SUGCT: variants seen among roughly 807,000 people sequenced by gnomAD.
SUGCT encodes succinyl-CoA:glutarate-CoA transferase, also known as succinyl-CoA:glutarate CoA-transferase.
A neutral mutation model predicts 55.0 loss-of-function variants in SUGCT; 41 were observed. That is an observed-to-expected ratio of 0.74 (90% CI 0.58 to 0.97). SUGCT has a LOEUF of 0.97. SUGCT is among the 50% of genes least tolerant of loss of function. The pLI is 0.00. For synonymous variants in SUGCT, 187 were observed against 200.4 expected, an observed-to-expected ratio of 0.93 and a Z score of 0.56; for missense variants, 568 against 547.8, an observed-to-expected ratio of 1.04 and a Z score of -0.37.
chr7:40,407,868 C>T (rs1239434889), intron 9 of SUGCT, among the ~76,000 whole-genome samples: 1 of 152,116 alleles, frequency 6.6e-6, no homozygotes, highest in Non-Finnish European at 1.5e-5. Flanking sequence ...CCTAGTGATG[C>T]TGGAATAGTT....
At chr7:40,708,252 C>T (rs1161311373) in intron 12 of SUGCT, among the ~76,000 whole-genome samples, 1 of 152,166 alleles carries the variant, frequency 6.6e-6, no homozygotes, top group Non-Finnish European at 1.5e-5. Context: ...GTGTCCTATA[C>T]TTACCTCAGT....
intron 8 of SUGCT, among the ~76,000 whole-genome samples, chr7:40,278,868 CCAGGTTGGAATG>C (rs1365192504): frequency 6.7e-6 from 1 of 149,458 alleles, no homozygotes; most frequent in Non-Finnish European, 1.5e-5. Context: ...GTGCTTTTGT[CCAGGTTGGAATG>C]CAGTGGTGCA....
At chr7:40,852,784 C>T (rs1488818425) in intron 13 of SUGCT, among the ~76,000 whole-genome samples, 1 of 152,002 alleles carries the variant, frequency 6.6e-6, no homozygotes, top group African/African-American at 2.4e-5. Context: ...CAGCCCCTCC[C>T]CACTGTGATT....
chr7:40,378,478 C>CT (rs1188213582), intron 9 of SUGCT, among the ~76,000 whole-genome samples: 1 of 152,024 alleles, frequency 6.6e-6, no homozygotes, highest in Admixed American at 6.6e-5. Flanking sequence ...TTTCTCATAC[C>CT]TTTTTTTCTT....
At chr7:40,614,699 G>C (rs911202618) in intron 12 of SUGCT, among the ~76,000 whole-genome samples, 1 of 152,198 alleles carries the variant, frequency 6.6e-6, no homozygotes, top group Non-Finnish European at 1.5e-5. Context: ...AGAGGAAAAT[G>C]ATAAAGGCCA....
At chr7:40,183,140 G>A (rs1562558883) in intron 3 of SUGCT, among the ~76,000 whole-genome samples, 2 of 152,158 alleles carry the variant, frequency 1.3e-5, no homozygotes, top group South Asian at 4.1e-4. Flanking sequence ...AGGCATGGTG[G>A]CAGACACCTG....
chr7:40,531,745 C>T (rs967672209), intron 12 of SUGCT, among the ~76,000 whole-genome samples: 4 of 152,132 alleles, frequency 2.6e-5, no homozygotes, highest in African/African-American at 9.6e-5. Flanking sequence ...ACGATCTCGG[C>T]TCACTGTAAG....
rs187579207 is a variant in SUGCT at position 40,192,047 on chromosome 7, G to T, written c.363+2453G>T. ...TGCTTGAACCCGACAGGCGGAGGTTGCAGTGAGCCGATATTGCACCATTGC... is the reference window on the plus strand; with the variant it reads ...TGCTTGAACCCGACAGGCGGAGGTTTCAGTGAGCCGATATTGCACCATTGC... On this transcript the variant is annotated intron_variant, in intron 5 of 13. Transcript: ENST00000335693. 4.7e-3 allele frequency among the ~76,000 whole-genome samples: 679 copies of T among 143,604 alleles called. 10 individuals are homozygous for T. Among genetic ancestry groups the T allele is most frequent in the Admixed American group, 0.022 (287 of 13,212 alleles). The allele number at this position is 143,604 out of a possible 152,430, so 94.2% of individuals were successfully genotyped here.
intron 8 of SUGCT, among the ~76,000 whole-genome samples, chr7:40,285,689 G>T (rs971624127): frequency 2.0e-5 from 3 of 152,088 alleles, no homozygotes; most frequent in Admixed American, 2.0e-4. Context: ...CAAGCATTGT[G>T]GCGAGGTGTA....
intron 12 of SUGCT, among the ~76,000 whole-genome samples, chr7:40,577,056 GA>G (rs1796805020): frequency 6.6e-6 from 1 of 152,192 alleles, no homozygotes; most frequent in Non-Finnish European, 1.5e-5. Context: ...CTCTTAGGTG[GA>G]GCCCAGCAAC....
At chr7:40,467,430 C>A (rs1381725572) in intron 11 of SUGCT, among the ~76,000 whole-genome samples, 2 of 151,974 alleles carry the variant, frequency 1.3e-5, no homozygotes, top group Non-Finnish European at 2.9e-5. Flanking sequence ...CACATTTATC[C>A]TTTGTGTCTC....
intron 12 of SUGCT, among the ~76,000 whole-genome samples, chr7:40,607,667 C>T (rs1204706890): frequency 6.6e-6 from 1 of 152,096 alleles, no homozygotes; most frequent in Non-Finnish European, 1.5e-5. Context: ...ATTCATAAAA[C>T]AATAATAATG....
chr7:40,987,220 C>T, the SUGCT span, among the ~76,000 whole-genome samples: 153 of 152,212 alleles, frequency 1.0e-3, no homozygotes, highest in East Asian at 0.027. Context: ...CGATGCCACT[C>T]CCTGCCATCA....
intron 11 of SUGCT, among the ~76,000 whole-genome samples, chr7:40,486,447 T>C (rs1242160663): frequency 6.6e-6 from 1 of 152,136 alleles, no homozygotes; most frequent in African/African-American, 2.4e-5. Context: ...TTTATTTTTA[T>C]TTTTTGTAGT....
At chr7:40,975,003 T>A in the SUGCT span, among the ~76,000 whole-genome samples, 44 of 152,308 alleles carry the variant, frequency 2.9e-4, no homozygotes, top group Non-Finnish European at 5.7e-4. Context: ...TTCATGCACC[T>A]GGCGCAGTAG....
intron 12 of SUGCT, among the ~76,000 whole-genome samples, chr7:40,536,539 T>C (rs1054336120): frequency 1.3e-5 from 2 of 152,356 alleles, no homozygotes; most frequent in African/African-American, 2.4e-5. Flanking sequence ...CTGTTTACAA[T>C]TGGATGTGAG....
chr7:41,016,546 A>T, the SUGCT span, among the ~76,000 whole-genome samples: 2 of 152,216 alleles, frequency 1.3e-5, no homozygotes, highest in African/African-American at 2.4e-5. Flanking sequence ...TGGAAAATCT[A>T]AGCAACATAT....
At chr7:40,613,561 G>C (rs569672090) in intron 12 of SUGCT, among the ~76,000 whole-genome samples, 45 of 151,914 alleles carry the variant, frequency 3.0e-4, no homozygotes, top group African/African-American at 1.1e-3. Flanking sequence ...TAGTCTTCTT[G>C]CAACAGCTGA....
intron 3 of SUGCT, among the ~76,000 whole-genome samples, chr7:40,185,585 C>T (rs771840579): frequency 6.6e-6 from 1 of 152,262 alleles, no homozygotes; most frequent in East Asian, 1.9e-4. Flanking sequence ...TGCAATGGCA[C>T]GATCTCGGCT....
Sources: gnomAD v4.1 joint callset for allele counts (sites outside exome capture counted in the v4.1 genomes callset) on GRCh38, gnomAD v4.1.1 for gene constraint, MANE v1.5 for transcripts, NCBI Gene and HGNC (gene_info 2026-07-23, HGNC 2026-07-21) for gene names.